Variants in LITAF observed in about 807,000 individuals in gnomAD.
LITAF encodes the protein lipopolysaccharide induced TNF factor, also known as lipopolysaccharide-induced tumor necrosis factor-alpha factor.
LITAF carries 9 observed loss-of-function variants against 14.5 expected under a neutral mutation model. That is an observed-to-expected ratio of 0.62 (90% confidence interval 0.37 to 1.08). LITAF has a LOEUF of 1.08. Ranked by LOEUF, LITAF falls within the 50% of genes least tolerant of loss-of-function variation. LITAF has a pLI of 0.01. For missense variants in LITAF, 206 were observed against 213.4 expected (o/e 0.97, Z 0.22); for synonymous variants, 98 against 88.2 (o/e 1.11, Z -0.62).
chr16:11,637,260 T>C (rs1597379477), upstream of LITAF, among the ~76,000 whole-genome samples: 1 of 152,046 alleles, frequency 6.6e-6, no homozygotes, highest in East Asian at 1.9e-4. Flanking sequence ...GGCCTCACAG[T>C]AGGTGGCAGG....
intron 1 of LITAF, among the ~76,000 whole-genome samples, chr16:11,571,858 G>A (rs1321063832): frequency 3.3e-5 from 5 of 152,148 alleles, no homozygotes; most frequent in Admixed American, 1.3e-4. Flanking sequence ...AGCACTTTGG[G>A]AGGTGAGGTG....
chr16:11,631,852 T>A lies in LITAF; in HGVS notation c.85+1681A>T, dbSNP rs2065119647. 4.3e-5 allele frequency among the ~76,000 whole-genome samples: 6 copies of A among 140,810 alleles called. No homozygotes were observed. The South Asian group carries it at 1.3e-3, about 31-fold the overall frequency. The allele number at this position is 140,810 out of a possible 152,430, so 92.4% of individuals were successfully genotyped here. On this transcript the variant is annotated intron_variant, in intron 3 of 3. Transcript: ENST00000574848. ...GCAAAGACCCTATTTTCTTTTCTTT[T>A]CTTTTTTTTTTTTTTTGAGACGGAG...
At position 11,547,795 on chromosome 16, in the gene LITAF, T is replaced by C. The variant is rs924354409; in HGVS notation, c.*1842A>G. 1 of 454,140 alleles carries C rather than the reference T, an allele frequency of 2.2e-6. No homozygotes were observed. The highest frequency in any genetic ancestry group is 4.4e-6 in the Non-Finnish European group (1 of 226,786). 28.1% of individuals were successfully genotyped at this position (454,140 alleles called of 1,614,324 possible). On this transcript the variant is annotated 3_prime_UTR_variant, in exon 4 of 4. Coordinates refer to ENST00000622633, the MANE Select transcript of LITAF (RefSeq NM_001136472.2). ...ATCAATGACGCCTATTGGGTTCCAA[T>C]AGCCTCATGTTCAAATCTGACTCGT...
At chr16:11,618,212 T>A (rs1430329017) in intron 3 of LITAF, among the ~76,000 whole-genome samples, 1 of 152,202 alleles carries the variant, frequency 6.6e-6, no homozygotes, top group Non-Finnish European at 1.5e-5. Flanking sequence ...CTATTTTTGT[T>A]TCTTCTCTCC....
At chr16:11,603,731 T>C (rs981278812) in intron 3 of LITAF, among the ~76,000 whole-genome samples, 5 of 152,302 alleles carry the variant, frequency 3.3e-5, no homozygotes, top group Middle Eastern at 3.4e-3. Context: ...CAGAACTCCT[T>C]CTTATAAATG....
At chr16:11,570,032 A>AAAAAAAAC (rs1435672793) in intron 1 of LITAF, among the ~76,000 whole-genome samples, 2 of 151,494 alleles carry the variant, frequency 1.3e-5, no homozygotes, top group African/African-American at 4.8e-5. Flanking sequence ...TTTGCCTCAA[A>AAAAAAAAC]AAAAAAAAAA....
At chr16:11,638,101 T>G (rs1454256008), upstream of LITAF, among the ~76,000 whole-genome samples, 57 of 93,234 alleles carry the variant, frequency 6.1e-4, 2 homozygotes, top group Admixed American at 1.9e-3. Context: ...TCTATCTATA[T>G]ATATATATCT....
chr16:11,584,428 C>CA (rs1366059480), intron 1 of LITAF: 1 of 152,138 alleles, frequency 6.6e-6, no homozygotes, highest in African/African-American at 2.4e-5. Flanking sequence ...GTAATGTCAG[C>CA]AAAATATGCA....
At chr16:11,611,324 C>T (rs1198009471) in intron 3 of LITAF, among the ~76,000 whole-genome samples, 1 of 152,164 alleles carries the variant, frequency 6.6e-6, no homozygotes, top group Non-Finnish European at 1.5e-5. Context: ...GCCTGGGCAA[C>T]AGAACGAGAC....
chr16:11,556,732 T>G lies in LITAF; in HGVS notation c.-2A>C. ...CTGGTAAGGTCCTGGAACCGACATT[T>G]TACCTAAAACAGAAACAGAACATAC... On this transcript the variant is annotated 5_prime_UTR_variant, in exon 2 of 4. Coordinates refer to ENST00000622633, the MANE Select transcript of LITAF (RefSeq NM_001136472.2). 6.2e-7 allele frequency: 1 copy of G among 1,613,650 alleles called. No homozygotes were observed. Among genetic ancestry groups the G allele is most frequent in the Non-Finnish European group, 8.5e-7 (1 of 1,179,642 alleles).
At chr16:11,570,215 T>G (rs1172814129) in intron 1 of LITAF, among the ~76,000 whole-genome samples, 1 of 152,142 alleles carries the variant, frequency 6.6e-6, no homozygotes, top group Admixed American at 6.6e-5. Flanking sequence ...ACAGTAGTAC[T>G]TACACTTCAG....
At chr16:11,596,149 G>C (rs1336287014) in intron 1 of LITAF, among the ~76,000 whole-genome samples, 2 of 152,114 alleles carry the variant, frequency 1.3e-5, no homozygotes, top group African/African-American at 4.8e-5. Context: ...CCCTCGGGGT[G>C]TGGGACCATC....
intron 3 of LITAF, among the ~76,000 whole-genome samples, chr16:11,617,930 G>A (rs1031349231): frequency 2.0e-5 from 3 of 151,996 alleles, no homozygotes; most frequent in African/African-American, 7.3e-5. Context: ...GAATGTAGCA[G>A]CTCGAACATA....
chr16:11,563,817 G>T (rs1045566185), intron 1 of LITAF, among the ~76,000 whole-genome samples: 5 of 152,074 alleles, frequency 3.3e-5, no homozygotes, highest in African/African-American at 1.2e-4. Context: ...GCCCAAAGCT[G>T]CATATTTACT....
upstream of LITAF, chr16:11,587,121 G>A: frequency 3.7e-6 from 1 of 266,944 alleles, no homozygotes; most frequent in African/African-American, 2.3e-5. Context: ...CACCCGGCTC[G>A]CTCGCCACCC....
At position 11,565,769 on chromosome 16, in the gene LITAF, C is replaced by CATG. The variant is rs1297429457; in HGVS notation, c.-5-9037_-5-9035dup. On this transcript the variant is annotated intron_variant, in intron 1 of 3. Transcript: ENST00000622633. ...TGGATGTTCCCAAACATGTCACGGG[C>CATG]ATGCTCTTTCTTCCGTCTGCCTCCT... Among the ~76,000 whole-genome samples, 4 of 151,902 alleles carry CATG rather than the reference C, an allele frequency of 2.6e-5. No homozygotes were observed. The East Asian group carries it at 7.8e-4, about 30-fold the overall frequency.
rs114142784 is a variant in LITAF at position 11,570,583 on chromosome 16, C to T, written c.-5-13848G>A. Among the ~76,000 whole-genome samples, 488 of 152,268 alleles carry T rather than the reference C, an allele frequency of 3.2e-3. 5 individuals carry two copies. The highest frequency in any genetic ancestry group is 0.011 in the African/African-American group (469 of 41,532). ...ATCCCTGGAAGCTCTGAATATGTGA[C>T]CTTAAGTGGTAAAGACAGACTTTGT... is the stretch of plus-strand genomic sequence containing the variant. On this transcript the variant is annotated intron_variant, in intron 1 of 3. Coordinates refer to ENST00000622633, the MANE Select transcript of LITAF (RefSeq NM_001136472.2).
chr16:11,582,306 T>C (rs2064750157), intron 1 of LITAF, among the ~76,000 whole-genome samples: 1 of 146,930 alleles, frequency 6.8e-6, no homozygotes, highest in African/African-American at 2.6e-5. Context: ...AAATATCTAT[T>C]TCACTCACAA....
At chr16:11,628,103 T>C (rs2065095683) in intron 3 of LITAF, among the ~76,000 whole-genome samples, 1 of 151,850 alleles carries the variant, frequency 6.6e-6, no homozygotes, top group South Asian at 2.1e-4. Flanking sequence ...CATTTGCTCC[T>C]TGAAAGATTC....
Sources: allele counts gnomAD v4.1 joint callset (sites outside exome capture counted in the v4.1 genomes callset), GRCh38; gene constraint gnomAD v4.1.1; transcripts MANE v1.5; gene names NCBI Gene and HGNC (gene_info 2026-07-23, HGNC 2026-07-21).